The following TMC2 variants were observed in gnomAD, a reference collection of about 807,000 sequenced individuals.
TMC2 encodes the protein transmembrane channel like 2.
TMC2 carries 102 observed loss-of-function variants against 105.9 expected under a neutral mutation model. The observed-to-expected ratio is 0.96, with a 90% CI of 0.82 to 1.14. The LOEUF (loss-of-function observed/expected upper bound fraction) is 1.14, where lower values mean the gene tolerates loss of function less well. TMC2 is among the 50% of genes most tolerant of loss of function. The pLI, the probability that TMC2 is intolerant of heterozygous loss-of-function variation, is 0.00. For missense variants in TMC2, 1,093 were observed against 1,134.3 expected (o/e 0.96, Z 0.52); for synonymous variants, 402 against 422.8 (o/e 0.95, Z 0.60).
At chr20:2,624,994 C>T (rs1337238660) in intron 17 of TMC2, among the ~76,000 whole-genome samples, 1 of 149,568 alleles carries the variant, frequency 6.7e-6, no homozygotes, top group Non-Finnish European at 1.5e-5. Context: ...TCATCACTGT[C>T]CCCCTCAACA....
chr20:2,552,179 G>C (rs942653732), intron 2 of TMC2, among the ~76,000 whole-genome samples: 1 of 152,148 alleles, frequency 6.6e-6, no homozygotes, highest in Non-Finnish European at 1.5e-5. Context: ...GATTGCTTGA[G>C]AGCAGGAGTT....
Position 2,561,856 on chromosome 20 carries a change from A to T in TMC2, c.402-2A>T. ...CTGCCTCCGCCCTGGCTCTGCCTCC[A>T]GGTCATCCTCCTTGGCCTCCAGTGC... On this transcript the variant is annotated splice_acceptor_variant, in intron 3 of 19. Coordinates refer to ENST00000358864, the MANE Select transcript of TMC2 (RefSeq NM_080751.3). LOFTEE classifies it high-confidence loss of function. 1 of 1,612,662 alleles carries T rather than the reference A, an allele frequency of 6.2e-7. No individual in the cohort carries two copies. Among genetic ancestry groups the T allele is most frequent in the Non-Finnish European group, 8.5e-7 (1 of 1,179,348 alleles).
At chr20:2,614,341 C>T (rs958291046) in intron 14 of TMC2, among the ~76,000 whole-genome samples, 4 of 152,150 alleles carry the variant, frequency 2.6e-5, no homozygotes, top group Admixed American at 2.0e-4. Flanking sequence ...TATGGTGGCT[C>T]ACACCTGTAA....
chr20:2,609,511 C>T (rs2086419123), intron 11 of TMC2, among the ~76,000 whole-genome samples: 1 of 152,062 alleles, frequency 6.6e-6, no homozygotes, highest in South Asian at 2.1e-4. Flanking sequence ...CAAGAATAAA[C>T]CAAAGCACAA....
At chr20:2,551,114 G>A (rs976573778) in intron 2 of TMC2, among the ~76,000 whole-genome samples, 4 of 152,146 alleles carry the variant, frequency 2.6e-5, no homozygotes, top group Non-Finnish European at 5.9e-5. Flanking sequence ...CAATAAATGA[G>A]CATTCCTGTT....
intron 4 of TMC2, among the ~76,000 whole-genome samples, chr20:2,563,493 G>A (rs1211266975): frequency 1.3e-5 from 2 of 152,138 alleles, no homozygotes; most frequent in Admixed American, 6.5e-5. Context: ...ACAGATTAGT[G>A]TAACCGAAAA....
In TMC2 at chr20:2,641,620, G is replaced by A; in HGVS notation, c.*269G>A. On this transcript the variant is annotated 3_prime_UTR_variant, in exon 20 of 20. Coordinates refer to ENST00000358864, the MANE Select transcript of TMC2 (RefSeq NM_080751.3). ...TGGTTCAGACAGCTCTGAACCCCAC[G>A]CTCACAGTGGTCGACCTTGCCTCCC... is the stretch of plus-strand genomic sequence containing the variant. 5.0e-6 allele frequency: 2 copies of A among 399,178 alleles called. No homozygotes were observed. The highest frequency in any genetic ancestry group is 3.7e-5 in the Admixed American group (1 of 26,744). 24.7% of individuals were successfully genotyped at this position (399,178 alleles called of 1,614,324 possible).
chr20:2,561,230 G>A (rs2086023818), intron 3 of TMC2, among the ~76,000 whole-genome samples: 2 of 152,172 alleles, frequency 1.3e-5, no homozygotes, highest in African/African-American at 2.4e-5. Context: ...AATATCAAAG[G>A]AAAACCATAT....
intron 2 of TMC2, among the ~76,000 whole-genome samples, chr20:2,554,029 C>T (rs1368748433): frequency 6.6e-6 from 1 of 151,968 alleles, no homozygotes; most frequent in African/African-American, 2.4e-5. Flanking sequence ...GGATTACAGG[C>T]ACCCGCCACC....
At chr20:2,619,536 G>A (rs1019192328) in intron 16 of TMC2, among the ~76,000 whole-genome samples, 3 of 152,198 alleles carry the variant, frequency 2.0e-5, no homozygotes, top group Admixed American at 6.5e-5. Flanking sequence ...GAGAAATGCT[G>A]ATCCGGTCTT....
intron 5 of TMC2, among the ~76,000 whole-genome samples, chr20:2,576,900 GTTT>G (rs796520290): frequency 8.4e-6 from 1 of 118,682 alleles, no homozygotes; most frequent in Non-Finnish European, 1.7e-5. Context: ...TTTCTTCTTG[GTTT>G]TTTTTTTTTG....
intron 16 of TMC2, among the ~76,000 whole-genome samples, chr20:2,619,582 T>C (rs1286719843): frequency 6.6e-6 from 1 of 152,070 alleles, no homozygotes; most frequent in African/African-American, 2.4e-5. Context: ...GATAAAGGCC[T>C]GTGATGGTTG....
At chr20:2,543,668 T>C (rs1388811081) in intron 2 of TMC2, among the ~76,000 whole-genome samples, 1 of 152,174 alleles carries the variant, frequency 6.6e-6, no homozygotes, top group Non-Finnish European at 1.5e-5. Context: ...GTCATCTTAA[T>C]ACAGACACTA....
rs2122857040 is a variant in TMC2, at chr20:2,572,242, A to G, written c.618A>G (p.Leu206=). The stretch of plus-strand genomic sequence containing the variant: ...TGGGAAAGGGGAAAGGCAAGCAACT[A>G]TATGCCTACAAGATGCTGATGGCCA... ...GALGKGKGKQ[L]YAYKMLMAKK... Residue 206 remains leucine (L), a synonymous_variant, in exon 5 of 20, where the codon CTA becomes CTG. Coordinates refer to ENST00000358864, the MANE Select transcript of TMC2 (RefSeq NM_080751.3). 1 of 1,613,370 alleles carries G rather than the reference A, an allele frequency of 6.2e-7. No individual in the cohort carries two copies. Among genetic ancestry groups the G allele is most frequent in the Admixed American group, 1.7e-5 (1 of 59,960 alleles).
At chr20:2,638,147 C>T (rs2086662317) in intron 19 of TMC2, among the ~76,000 whole-genome samples, 1 of 152,112 alleles carries the variant, frequency 6.6e-6, no homozygotes, top group Non-Finnish European at 1.5e-5. Flanking sequence ...CGAGGCCATC[C>T]TGGCTGACAC....
rs199920387 is a variant in TMC2 at position 2,612,274 on chromosome 20, C to A, written c.1677C>A (p.Val559=). The A allele has an allele frequency of 1.2e-6, 2 of 1,612,522 alleles. No individual in the cohort carries two copies. Among genetic ancestry groups the A allele is most frequent in the Non-Finnish European group, 1.7e-6 (2 of 1,179,192 alleles). Residue 559 remains valine (V), a synonymous_variant, in exon 13 of 20, where the codon GTC becomes GTA. Coordinates refer to ENST00000358864, the MANE Select transcript of TMC2 (RefSeq NM_080751.3). The part of the protein sequence containing the change: ...YYNSSGWNES[V]PRPPLHPADV... The stretch of plus-strand genomic sequence containing the variant: ...ACTCTTCTGGTTGGAACGAGAGTGT[C>A]CCCCGACCACCCCTGCACCCTGCAG...
chr20:2,577,965 T>C (rs1169152919), intron 5 of TMC2, among the ~76,000 whole-genome samples: 1 of 152,090 alleles, frequency 6.6e-6, no homozygotes, highest in Non-Finnish European at 1.5e-5. Context: ...GTGCGGACTT[T>C]AGTGACTTTA....
chr20:2,606,452 G>C (rs1001347115), intron 11 of TMC2, among the ~76,000 whole-genome samples: 4 of 152,074 alleles, frequency 2.6e-5, no homozygotes, highest in Admixed American at 1.3e-4. Flanking sequence ...TAGAGACAGG[G>C]TTTCACCCTG....
At chr20:2,537,182 G>T in intron 1 of TMC2, 87 bp from the exon 2 acceptor site, 2 of 1,257,404 alleles carry the variant, frequency 1.6e-6, no homozygotes, top group Non-Finnish European at 1.1e-6. Flanking sequence ...CCACAAATCA[G>T]CTGAGGGGTC....
Sources: allele counts gnomAD v4.1 joint callset (sites outside exome capture counted in the v4.1 genomes callset), GRCh38; gene constraint gnomAD v4.1.1; transcripts MANE v1.5; gene names NCBI Gene and HGNC (gene_info 2026-07-23, HGNC 2026-07-21).